PDSS1: variants seen among roughly 807,000 people sequenced by gnomAD.
The protein encoded by PDSS1 is decaprenyl diphosphate synthase subunit 1.
Under a neutral mutation model 57.5 loss-of-function variants are expected in PDSS1, and 43 were observed. That is an observed-to-expected ratio of 0.75 (90% CI 0.59 to 0.96). The LOEUF (loss-of-function observed/expected upper bound fraction) is 0.96. PDSS1 is among the 50% of genes least tolerant of loss of function. PDSS1 has a pLI of 0.00. For synonymous variants in PDSS1, 175 were observed against 191.3 expected (o/e 0.91, Z 0.70); for missense variants, 438 against 527.8 (o/e 0.83, Z 1.67).
intron 8 of PDSS1, among the ~76,000 whole-genome samples, chr10:26,726,218 G>A (rs186736263): frequency 1.3e-4 from 20 of 152,324 alleles, no homozygotes; most frequent in Middle Eastern, 6.8e-3. Context: ...TCAAAGATTA[G>A]CAGCTGAACG....
At chr10:26,710,592 G>A (rs1417158491) in intron 5 of PDSS1, among the ~76,000 whole-genome samples, 2 of 92,364 alleles carry the variant, frequency 2.2e-5, no homozygotes, top group African/African-American at 3.6e-5. Context: ...CACCCACCTT[G>A]GCCTCCCAAA....
At chr10:26,742,440 T>G (rs1836653768) in intron 10 of PDSS1, 57 bp from the exon 11 acceptor site, 6 of 1,266,500 alleles carry the variant, frequency 4.7e-6, no homozygotes, top group Non-Finnish European at 4.6e-6. Context: ...TTAGAACACT[T>G]GTTTCTCCCA....
chr10:26,702,477 T>A (rs1436989064), intron 2 of PDSS1, among the ~76,000 whole-genome samples: 2 of 152,206 alleles, frequency 1.3e-5, no homozygotes, highest in Non-Finnish European at 2.9e-5. Flanking sequence ...GATGGTTTTA[T>A]AAGTGATTGG....
At chr10:26,733,898 C>G (rs1460297345) in intron 8 of PDSS1, among the ~76,000 whole-genome samples, 1 of 152,098 alleles carries the variant, frequency 6.6e-6, no homozygotes, top group Non-Finnish European at 1.5e-5. Context: ...CCCTTGAGCC[C>G]AGGAGTTCAA....
chr10:26,709,909 C>A, intron 5 of PDSS1, 141 bp downstream of exon 5: 1 of 886,786 alleles, frequency 1.1e-6, no homozygotes, highest in Non-Finnish European at 1.8e-6. Context: ...TCCCAGCATT[C>A]TGGGAGCCTG....
At chr10:26,698,167 A>G (rs756279237) in intron 1 of PDSS1, among the ~76,000 whole-genome samples, 98 of 92,158 alleles carry the variant, frequency 1.1e-3, no homozygotes, top group Admixed American at 1.8e-3. Context: ...CCGCTGCTAT[A>G]TGGACAAGGT....
At chr10:26,743,609 A>C (rs937088406) in intron 11 of PDSS1, among the ~76,000 whole-genome samples, 2 of 152,196 alleles carry the variant, frequency 1.3e-5, no homozygotes, top group African/African-American at 4.8e-5. Flanking sequence ...CTGGCTTCAG[A>C]AATAATGGTA....
chr10:26,709,238 A>G (rs1835340830), intron 4 of PDSS1, among the ~76,000 whole-genome samples: 1 of 152,214 alleles, frequency 6.6e-6, no homozygotes, highest in Non-Finnish European at 1.5e-5. Context: ...ATTGAAATGA[A>G]TACACTTAAA....
At chr10:26,705,720 C>T (rs1835190361) in intron 4 of PDSS1, among the ~76,000 whole-genome samples, 2 of 152,104 alleles carry the variant, frequency 1.3e-5, no homozygotes, top group South Asian at 2.1e-4. Context: ...GTGACCTACC[C>T]ACCTTGGCCT....
chr10:26,713,156 G>T (rs1367966169), intron 5 of PDSS1, among the ~76,000 whole-genome samples: 1 of 95,980 alleles, frequency 1.0e-5, no homozygotes, highest in Non-Finnish European at 2.4e-5. Context: ...GCTGGGCATG[G>T]TGGCACGCAC....
At chr10:26,739,975 T>A (rs1253658858) in intron 10 of PDSS1, among the ~76,000 whole-genome samples, 1 of 152,128 alleles carries the variant, frequency 6.6e-6, no homozygotes, top group Admixed American at 6.5e-5. Context: ...ACTCCATCTC[T>A]ACTAAAAATA....
rs1369266609 is a variant in PDSS1 at position 26,709,711 on chromosome 10, G to A, written c.410G>A (p.Arg137Gln). 3.7e-6 allele frequency: 6 copies of A among 1,613,462 alleles called. No individual in the cohort carries two copies. The highest frequency in any genetic ancestry group is 4.5e-5 in the East Asian group (2 of 44,892). Reference protein sequence around the residue: ...YYFDGKGKAFRPIIVALMARA... With the variant: ...YYFDGKGKAFQPIIVALMARA... ...TTTGATGGGAAAGGGAAAGCCTTTC[G>A]ACCAATTATTGTGGCGCTAATGGCC... The change falls in exon 5 of 12, where the codon CGA (arginine) becomes CAA (glutamine). Residue 137 changes from arginine to glutamine, a missense_variant. This residue lies in a region of PDSS1 where 284 missense variants were observed against 390.7 expected (regional missense o/e 0.73). Coordinates refer to ENST00000376215, the MANE Select transcript of PDSS1 (RefSeq NM_014317.5).
chr10:26,732,567 T>G (rs571267051), intron 8 of PDSS1, among the ~76,000 whole-genome samples: 1 of 152,294 alleles, frequency 6.6e-6, no homozygotes. Flanking sequence ...ACCATGTGGA[T>G]GAAATTCAGG....
chr10:26,732,842 C>T (rs937814083), intron 8 of PDSS1, among the ~76,000 whole-genome samples: 18 of 152,088 alleles, frequency 1.2e-4, no homozygotes, highest in Non-Finnish European at 1.9e-4. Context: ...ATTTTTAGGC[C>T]GGGCACGGTG....
chr10:26,721,423 T>TATATACACACACACACAC (rs10645608), intron 6 of PDSS1, among the ~76,000 whole-genome samples: 2 of 149,268 alleles, frequency 1.3e-5, no homozygotes, highest in Admixed American at 1.3e-4. Flanking sequence ...GATATATGTA[T>TATATACACACACACACAC]ACACACACAC....
chr10:26,707,483 A>G (rs1835271968), intron 4 of PDSS1, among the ~76,000 whole-genome samples: 1 of 152,006 alleles, frequency 6.6e-6, no homozygotes. Context: ...ATGCCTGACT[A>G]GCTATCTACT....
intron 8 of PDSS1, among the ~76,000 whole-genome samples, chr10:26,730,783 A>G (rs1836163059): frequency 6.6e-6 from 1 of 152,166 alleles, no homozygotes; most frequent in Non-Finnish European, 1.5e-5. Flanking sequence ...ACAAACAGGC[A>G]GACACAAGTA....
At position 26,720,547 on chromosome 10, in the gene PDSS1, A is replaced by G. The variant is rs547415481; in HGVS notation, c.609+188A>G. 2.5e-4 allele frequency among the ~76,000 whole-genome samples: 38 copies of G among 152,346 alleles called. No individual in the cohort carries two copies. In the South Asian group the frequency reaches 7.5e-3, roughly 30 times the overall value. On this transcript the variant is annotated intron_variant, in intron 6 of 11. Coordinates refer to ENST00000376215, the MANE Select transcript of PDSS1 (RefSeq NM_014317.5). ...TGATAAATAAATAATAAAAAATACC[A>G]TGGAAAAATAAACTTAGTATTTCTA...
At chr10:26,726,922 C>T (rs1277528268) in intron 8 of PDSS1, among the ~76,000 whole-genome samples, 3 of 152,110 alleles carry the variant, frequency 2.0e-5, no homozygotes, top group Non-Finnish European at 2.9e-5. Flanking sequence ...ATTAGCCGGG[C>T]GTGGTGGTGC....
Sources: allele counts gnomAD v4.1 joint callset (sites outside exome capture counted in the v4.1 genomes callset), GRCh38; gene constraint gnomAD v4.1.1; regional missense constraint gnomAD v4.1.1; transcripts MANE v1.5; gene names NCBI Gene and HGNC (gene_info 2026-07-23, HGNC 2026-07-21).